BLOC1S1: variants seen among roughly 807,000 people sequenced by gnomAD.
BLOC1S1 encodes biogenesis of lysosomal organelles complex 1 subunit 1.
Under a neutral mutation model 19.0 loss-of-function variants are expected in BLOC1S1, and 11 were observed. The ratio of observed to expected loss-of-function variants is 0.58; its 90% CI spans 0.37 to 0.96. The LOEUF (loss-of-function observed/expected upper bound fraction) is 0.96, where lower values mean the gene tolerates loss of function less well. BLOC1S1 is among the 40% of genes least tolerant of loss of function. BLOC1S1 has a pLI of 0.01. For synonymous variants in BLOC1S1, 94 were observed against 76.4 expected, an observed-to-expected ratio of 1.23 and a Z score of -1.20; for missense variants, 220 against 195.9, an observed-to-expected ratio of 1.12 and a Z score of -0.73.
chr12:55,718,020 A>G lies in BLOC1S1; in HGVS notation c.218+1015A>G, dbSNP rs56280948. ...GCACCTCCTGGGCTCTGCTGTGCCC[A>G]TCATTTGTGAGATTGGCCCAGGCCT... On this transcript the variant is annotated intron_variant, in intron 2 of 3. Coordinates refer to ENST00000548925, the MANE Select transcript of BLOC1S1 (RefSeq NM_001487.4). Among the ~76,000 whole-genome samples the G allele has an allele frequency of 1.9e-3, 289 of 152,246 alleles. 2 individuals are homozygous for G. Among genetic ancestry groups the G allele is most frequent in the African/African-American group, 6.4e-3 (264 of 41,554 alleles).
intron 2 of BLOC1S1, among the ~76,000 whole-genome samples, chr12:55,717,259 A>G (rs1876632497): frequency 6.6e-6 from 1 of 152,146 alleles, no homozygotes; most frequent in Admixed American, 6.5e-5. Context: ...CTTCCCTGGC[A>G]TTTACAACTT....
At position 55,719,103 on chromosome 12, in the gene BLOC1S1, C is replaced by G; in HGVS notation, c.231C>G (p.Ala77=). The G allele has an allele frequency of 6.2e-7, 1 of 1,613,966 alleles. No individual in the cohort carries two copies. The highest frequency in any genetic ancestry group is 8.5e-7 in the Non-Finnish European group (1 of 1,180,006). Residue 77 remains alanine (A), a synonymous_variant, in exon 3 of 4, where the codon GCC becomes GCG. Coordinates refer to ENST00000548925, the MANE Select transcript of BLOC1S1 (RefSeq NM_001487.4). ...VDHLNVGVAQ[A]YMNQRKLDHE... is the part of the protein sequence containing the mutation. Reference sequence around the variant, plus strand: ...TCCAACCCCCCAGTGTGGCCCAGGCCTACATGAACCAGAGAAAGCTGGACC... The same window carrying G: ...TCCAACCCCCCAGTGTGGCCCAGGCGTACATGAACCAGAGAAAGCTGGACC...
chr12:55,719,606 C>G lies in BLOC1S1; in HGVS notation c.459C>G (p.Ser153=). ...AAGGGCAGCTGCAGTCTGCCCCTTCCTAGCCCCTGTTCCCTCCCCCAACCC... is the reference window on the plus strand; with the variant it reads ...AAGGGCAGCTGCAGTCTGCCCCTTCGTAGCCCCTGTTCCCTCCCCCAACCC... ...VYKGQLQSAP[S] Residue 153 remains serine, a synonymous_variant, in exon 4 of 4, where the codon TCC becomes TCG. Coordinates refer to ENST00000548925, the MANE Select transcript of BLOC1S1 (RefSeq NM_001487.4). The G allele has an allele frequency of 6.2e-7, 1 of 1,613,622 alleles. No homozygotes were observed. The highest frequency in any genetic ancestry group is 8.5e-7 in the Non-Finnish European group (1 of 1,179,612).
At position 55,716,592 on chromosome 12, in the gene BLOC1S1, G is replaced by T. The variant is rs373487565; in HGVS notation, c.146-341G>T. On this transcript the variant is annotated intron_variant, in intron 1 of 3. Coordinates refer to ENST00000548925, the MANE Select transcript of BLOC1S1 (RefSeq NM_001487.4). ...GCCTGAAACCACCGGAACGGAGGTGGGGCACTTGTTTCCTGAGTCCGGGCT... is the reference window on the plus strand; with the variant it reads ...GCCTGAAACCACCGGAACGGAGGTGTGGCACTTGTTTCCTGAGTCCGGGCT... 3.1e-5 allele frequency: 38 copies of T among 1,217,910 alleles called. No homozygotes were observed. The East Asian group carries it at 1.3e-3, about 40-fold the overall frequency. 75.4% of individuals were successfully genotyped at this position (1,217,910 alleles called of 1,614,324 possible).
chr12:55,716,851 G>A lies in BLOC1S1; in HGVS notation c.146-82G>A, dbSNP rs1876585160. On this transcript the variant is annotated intron_variant, in intron 1 of 3. Transcript: ENST00000548925. ...AGAAATTTCGGCAACTAGCAGAATA[G>A]TAATGGATGGGTAGGGAACCTTTAA... 4 of 1,406,990 alleles carry A rather than the reference G, an allele frequency of 2.8e-6. No individual in the cohort carries two copies. The East Asian group carries it at 7.9e-5, about 28-fold the overall frequency. 87.2% of individuals were successfully genotyped at this position (1,406,990 alleles called of 1,614,324 possible). A position where few individuals can be genotyped will look rare whatever the true frequency, so the allele number is the denominator to read the frequency against.
At chr12:55,719,380 C>T in intron 3 of BLOC1S1, 119 bp from the exon 4 acceptor site, 1 of 1,460,694 alleles carries the variant, frequency 6.8e-7, no homozygotes, top group Non-Finnish European at 9.5e-7. Context: ...GAAAGAAAAG[C>T]AGTTGGTGGG....
chr12:55,717,143 GCT>G, intron 2 of BLOC1S1, 138 bp downstream of exon 2: 1 of 618,434 alleles, frequency 1.6e-6, no homozygotes, highest in South Asian at 2.5e-5. Context: ...GCCCCTCCCA[GCT>G]CTTTGTAGAG....
At chr12:55,718,653 G>A (rs772137539) in intron 2 of BLOC1S1, among the ~76,000 whole-genome samples, 22 of 152,204 alleles carry the variant, frequency 1.4e-4, no homozygotes, top group Non-Finnish European at 1.8e-4. Flanking sequence ...ATCCTAACCC[G>A]GCTTCAGGGA....
intron 1 of BLOC1S1, chr12:55,716,402 C>G (rs1339074908): frequency 7.2e-7 from 1 of 1,396,094 alleles, no homozygotes; most frequent in Non-Finnish European, 9.3e-7. Flanking sequence ...ATACTCCGGT[C>G]CCCTCGGCAA....
chr12:55,717,020 T>C lies in BLOC1S1; in HGVS notation c.218+15T>C, dbSNP rs750192755. 3 of 1,561,886 alleles carry C rather than the reference T, an allele frequency of 1.9e-6. No individual in the cohort carries two copies. Among genetic ancestry groups the C allele is most frequent in the Non-Finnish European group, 2.6e-6 (3 of 1,157,714 alleles). The stretch of plus-strand genomic sequence containing the variant: ...CTCAATGTGGGGTATGGACCTCTTA[T>C]CAACATCAGTTTCCTCCTTCCCCAC... On this transcript the variant is annotated intron_variant, in intron 2 of 3. Coordinates refer to ENST00000548925, the MANE Select transcript of BLOC1S1 (RefSeq NM_001487.4).
chr12:55,718,218 C>T (rs1214025650), intron 2 of BLOC1S1, among the ~76,000 whole-genome samples: 1 of 152,222 alleles, frequency 6.6e-6, no homozygotes, highest in Admixed American at 6.5e-5. Flanking sequence ...CTGCCCACTC[C>T]CTCAGCCCCC....
intron 2 of BLOC1S1, among the ~76,000 whole-genome samples, chr12:55,718,566 G>A (rs950081587): frequency 2.0e-5 from 3 of 151,984 alleles, no homozygotes; most frequent in African/African-American, 7.3e-5. Flanking sequence ...GCTTGGGAGA[G>A]CAACTGAGAG....
Position 55,716,947 on chromosome 12 carries a change from G to A in BLOC1S1, c.160G>A (p.Glu54Lys). The change falls in exon 2 of 4, where the codon GAG (glutamate) becomes AAG (lysine). Residue 54 changes from glutamate to lysine, a missense_variant. Glu to Lys is a moderately conservative substitution (Grantham distance 56, BLOSUM62 1). Transcript: ENST00000548925. ...CCTCTCCCCAGAAAAGAGGAGGCGA[G>A]AGGCTATCACTGCAGCGACCTGCCT... The part of the protein sequence containing the change: ...RKELQEKRRR[E>K]AITAATCLTE... 1 of 1,591,394 alleles carries A rather than the reference G, an allele frequency of 6.3e-7. No homozygotes were observed. Among genetic ancestry groups the A allele is most frequent in the Non-Finnish European group, 8.5e-7 (1 of 1,170,596 alleles).
chr12:55,716,709 C>T, intron 1 of BLOC1S1: 2 of 1,302,782 alleles, frequency 1.5e-6, no homozygotes, highest in Non-Finnish European at 1.9e-6. Flanking sequence ...GACTTCCTGG[C>T]GTCCCTGAGT....
Position 55,719,512 on chromosome 12 carries a change from TG to T in BLOC1S1, c.367del (p.Glu123ArgfsTer53), listed in dbSNP as rs775283462. On this transcript the variant is annotated frameshift_variant, in exon 4 of 4. Transcript: ENST00000548925. LOFTEE classifies it high-confidence loss of function. ...FNQALKEIGD[V>X]ENWARSIELD... is the part of the protein sequence containing the mutation. ...CCCCCTTCCCAGGAAATTGGGGATG[TG>T]GAGAACTGGGCTCGGAGCATCGAGC... 1 of 1,614,132 alleles carries T rather than the reference TG, an allele frequency of 6.2e-7. No homozygotes were observed. Among genetic ancestry groups the T allele is most frequent in the Non-Finnish European group, 8.5e-7 (1 of 1,179,994 alleles).
Position 55,716,693 on chromosome 12 carries a change from G to A in BLOC1S1, c.146-240G>A, listed in dbSNP as rs947601012. On this transcript the variant is annotated intron_variant, in intron 1 of 3. Transcript: ENST00000548925. ...CTGGGAGTCAGGAGTCCTGGGCGCTGCCGCTGACTTCCTGGCGTCCCTGAG... is the reference window on the plus strand; with the variant it reads ...CTGGGAGTCAGGAGTCCTGGGCGCTACCGCTGACTTCCTGGCGTCCCTGAG... The A allele has an allele frequency of 3.7e-5, 48 of 1,307,812 alleles. No individual in the cohort carries two copies. The South Asian group carries it at 7.4e-4, about 20-fold the overall frequency. 81.0% of individuals were successfully genotyped at this position (1,307,812 alleles called of 1,614,324 possible).
At position 55,719,080 on chromosome 12, in the gene BLOC1S1, C is replaced by G; in HGVS notation, c.219-11C>G. ...GCTGGAGCTGATCTCCTCCCTCCTC[C>G]AACCCCCCAGTGTGGCCCAGGCCTA... On this transcript the variant is annotated splice_polypyrimidine_tract_variant and intron_variant, in intron 2 of 3. Coordinates refer to ENST00000548925, the MANE Select transcript of BLOC1S1 (RefSeq NM_001487.4). The G allele has an allele frequency of 1.2e-6, 2 of 1,612,882 alleles. No homozygotes were observed. Among genetic ancestry groups the G allele is most frequent in the Non-Finnish European group, 1.7e-6 (2 of 1,179,134 alleles).
intron 3 of BLOC1S1, 66 bp from the exon 4 acceptor site, chr12:55,719,433 C>G: frequency 6.6e-7 from 1 of 1,504,660 alleles, no homozygotes; most frequent in Non-Finnish European, 9.3e-7. Context: ...AACGTATTCC[C>G]CAGACTGGAA....
At position 55,719,099 on chromosome 12, in the gene BLOC1S1, A is replaced by G; in HGVS notation, c.227A>G (p.Gln76Arg). Residue 76 changes from glutamine to arginine, a missense_variant, in exon 3 of 4, where the codon CAG becomes CGG. Coordinates refer to ENST00000548925, the MANE Select transcript of BLOC1S1 (RefSeq NM_001487.4). ...LVDHLNVGVAQAYMNQRKLDH... is the reference protein window; with the variant it reads ...LVDHLNVGVARAYMNQRKLDH... The stretch of plus-strand genomic sequence containing the variant: ...CTCCTCCAACCCCCCAGTGTGGCCC[A>G]GGCCTACATGAACCAGAGAAAGCTG... 6.2e-7 allele frequency: 1 copy of G among 1,613,900 alleles called. No individual in the cohort carries two copies. The highest frequency in any genetic ancestry group is 1.3e-5 in the African/African-American group (1 of 74,972).
Sources: allele counts gnomAD v4.1 joint callset (sites outside exome capture counted in the v4.1 genomes callset), GRCh38; gene constraint gnomAD v4.1.1; transcripts MANE v1.5; gene names NCBI Gene and HGNC (gene_info 2026-07-23, HGNC 2026-07-21).